IDH2: variants seen among roughly 807,000 people sequenced by gnomAD.
IDH2 encodes the protein isocitrate dehydrogenase (NADP(+)) 2.
A neutral mutation model predicts 50.5 loss-of-function variants in IDH2; 18 were observed. That is an observed-to-expected ratio of 0.36 (90% confidence interval 0.25 to 0.53). IDH2 has a LOEUF of 0.53. Among genes scored for constraint, IDH2 ranks in the 20% least tolerant of loss-of-function variants. The pLI is 0.92. For missense variants in IDH2, 518 were observed against 610.7 expected (o/e 0.85, Z 1.60); for synonymous variants, 280 against 239.8 (o/e 1.17, Z -1.55).
chr15:90,091,459 G>A (rs540557518), intron 2 of IDH2, 94 bp downstream of exon 2: 11 of 913,040 alleles, frequency 1.2e-5, no homozygotes, highest in East Asian at 2.4e-5. Flanking sequence ...CAACGGGGGG[G>A]TCCTAGGGAC....
In IDH2 at chr15:90,085,195, C is replaced by T. The variant is rs1216971077; in HGVS notation, c.1080+80G>A. 34 of 1,529,724 alleles carry T rather than the reference C, an allele frequency of 2.2e-5. No individual in the cohort carries two copies. Among genetic ancestry groups the T allele is most frequent in the Admixed American group, 1.1e-4 (6 of 56,524 alleles). 94.8% of individuals were successfully genotyped at this position (1,529,724 alleles called of 1,614,324 possible). On this transcript the variant is annotated intron_variant, in intron 8 of 10. Transcript: ENST00000330062. The surrounding 1 kb of genome is among the most constrained non-coding windows in gnomAD (Gnocchi z 5.5). ...CGCCCCTGGGCTGGTGGGTCAGGCT[C>T]GTCCTTCCAGCCCTCAGCCCAGTGG...
At chr15:90,089,844 G>A (rs568759958) in intron 3 of IDH2, among the ~76,000 whole-genome samples, 1 of 152,318 alleles carries the variant, frequency 6.6e-6, no homozygotes, top group East Asian at 1.9e-4. Context: ...TAGGCCTGGT[G>A]GGGGCACCTC....
chr15:90,102,467 C>T lies in IDH2; in HGVS notation c.-77G>A, dbSNP rs1596083465. 3.6e-6 allele frequency: 3 copies of T among 827,820 alleles called. No individual in the cohort carries two copies. The highest frequency in any genetic ancestry group is 5.6e-5 in the South Asian group (1 of 17,708). 51.3% of individuals were successfully genotyped at this position (827,820 alleles called of 1,614,324 possible). A position where few individuals can be genotyped will look rare whatever the true frequency, so the allele number is the denominator to read the frequency against. ...CTCCTCCCGGCTGCCTGGCCGCGGGCTAACGCTGGGCCTGGCGGGCGCTGG... is the reference window on the plus strand; with the variant it reads ...CTCCTCCCGGCTGCCTGGCCGCGGGTTAACGCTGGGCCTGGCGGGCGCTGG... On this transcript the variant is annotated 5_prime_UTR_variant, in exon 1 of 11. Transcript: ENST00000330062.
chr15:90,091,568 C>A lies in IDH2; in HGVS notation c.192G>T (p.Gln64His). Residue 64 changes from glutamine (Q) to histidine (H), a missense_variant, in exon 2 of 11, where the codon CAG (glutamine) becomes CAT (histidine). By Grantham distance (24) the Gln-to-His change is conservative. Coordinates refer to ENST00000330062, the MANE Select transcript of IDH2 (RefSeq NM_002168.4). Reference protein sequence around the residue: ...DGDEMTRIIWQFIKEKLILPH... With the variant: ...DGDEMTRIIWHFIKEKLILPH... ...GGGGCACTACCTTCTCCTTGATGAA[C>A]TGCCAGATAATACGGGTCATCTCAT... 6.2e-7 allele frequency: 1 copy of A among 1,613,942 alleles called. No individual in the cohort carries two copies.
intron 1 of IDH2, among the ~76,000 whole-genome samples, chr15:90,093,161 T>C (rs1901088393): frequency 6.6e-6 from 1 of 152,236 alleles, no homozygotes; most frequent in Non-Finnish European, 1.5e-5. Flanking sequence ...ATCCAGTTCC[T>C]AAGGAGGGCC....
chr15:90,085,913 G>C lies in IDH2; in HGVS notation c.968-526C>G, dbSNP rs1201748521. ...TGTCAAGGACTCCAGGGCTTCAAAG[G>C]CACCCCCATGACACCAAAATAAGGA... On this transcript the variant is annotated intron_variant, in intron 7 of 10. Coordinates refer to ENST00000330062, the MANE Select transcript of IDH2 (RefSeq NM_002168.4). This position sits in a 1 kb window ranked among gnomAD's most constrained non-coding sequence, Gnocchi z 5.5. 6.6e-6 allele frequency among the ~76,000 whole-genome samples: 1 copy of C among 152,154 alleles called. No individual in the cohort carries two copies. Among genetic ancestry groups the C allele is most frequent in the Non-Finnish European group, 1.5e-5 (1 of 68,034 alleles).
rs2151558000 is a variant in IDH2 at position 90,102,300 on chromosome 15, A to G, written c.91T>C (p.Ser31Pro). ...WAPAALTAPT[S>P]QEQPRRHYAD... ...CAGTGGCGCCGCGGCTGCTCTTGCG[A>G]GGTGGGGGCTGTCAGGGCCGCCGGC... Residue 31 changes from serine (S) to proline (P), a missense_variant, in exon 1 of 11, where the codon TCG becomes CCG. Transcript: ENST00000330062. 1 of 1,341,060 alleles carries G rather than the reference A, an allele frequency of 7.5e-7. No homozygotes were observed. The highest frequency in any genetic ancestry group is 1.5e-5 in the African/African-American group (1 of 66,172). 83.1% of individuals were successfully genotyped at this position (1,341,060 alleles called of 1,614,324 possible). A position where few individuals can be genotyped will look rare whatever the true frequency, so the allele number is the denominator to read the frequency against.
intron 1 of IDH2, among the ~76,000 whole-genome samples, chr15:90,099,056 C>G (rs1240079126): frequency 1.3e-5 from 2 of 152,156 alleles, no homozygotes; most frequent in African/African-American, 4.8e-5. Context: ...AGAATCCAAC[C>G]ACTTCTTCAC....
intron 1 of IDH2, among the ~76,000 whole-genome samples, chr15:90,095,349 T>C (rs4932279): frequency 0.42 from 64,331 of 152,024 alleles, 15,508 homozygotes; most frequent in Non-Finnish European, 0.56. Flanking sequence ...CTTCACTTTT[T>C]TCTGAAGCTT....
At position 90,085,081 on chromosome 15, in the gene IDH2, G is replaced by A. The variant is rs202014285; in HGVS notation, c.1098C>T (p.Thr366=). ...REHQKGRPTS[T]NPIASIFAWT... ...AGGCAAAGATGCTGGCGATGGGGTT[G>A]GTGCTGGTGGGCCGGCCCTGGGGAC... The change falls in exon 9 of 11, where the codon ACC becomes ACT. Residue 366 remains threonine (T), a synonymous_variant. Coordinates refer to ENST00000330062, the MANE Select transcript of IDH2 (RefSeq NM_002168.4). This position sits in a 1 kb window ranked among gnomAD's most constrained non-coding sequence, Gnocchi z 5.5. The A allele has an allele frequency of 1.2e-5, 20 of 1,613,886 alleles. 1 individual carries two copies. Among genetic ancestry groups the A allele is most frequent in the African/African-American group, 2.7e-5 (2 of 75,028 alleles).
chr15:90,088,871 C>G (rs1210342362), intron 3 of IDH2, 124 bp from the exon 4 acceptor site: 1 of 850,642 alleles, frequency 1.2e-6, no homozygotes, highest in African/African-American at 1.7e-5. Flanking sequence ...GCAGTAGAGT[C>G]TAGAGTGCAA....
intron 5 of IDH2, among the ~76,000 whole-genome samples, chr15:90,088,129 G>A (rs1900920819): frequency 6.6e-6 from 1 of 151,806 alleles, no homozygotes; most frequent in Non-Finnish European, 1.5e-5. Flanking sequence ...AAGAGATGGG[G>A]TCTCACTGTT....
chr15:90,093,142 G>A (rs1046979930), intron 1 of IDH2, among the ~76,000 whole-genome samples: 2 of 152,212 alleles, frequency 1.3e-5, no homozygotes, highest in Admixed American at 6.5e-5. Context: ...TTGTCCAGGG[G>A]CTCCTGCCAT....
In IDH2 at chr15:90,084,734, C is replaced by T; in HGVS notation, c.1271+82G>A. 1 of 1,142,876 alleles carries T rather than the reference C, an allele frequency of 8.7e-7. No individual in the cohort carries two copies. Among genetic ancestry groups the T allele is most frequent in the Admixed American group, 1.7e-5 (1 of 59,420 alleles). The allele number at this position is 1,142,876 out of a possible 1,614,324, so 70.8% of individuals were successfully genotyped here. On this transcript the variant is annotated intron_variant, in intron 10 of 10. Transcript: ENST00000330062. This position sits in a 1 kb window ranked among gnomAD's most constrained non-coding sequence, Gnocchi z 5.0. Reference sequence around the variant, plus strand: ...CCAGGCCCCCTTGCAGCTAAGCTGACTCATGAGGGGGACTTTAGGAGGGGT... The same window carrying T: ...CCAGGCCCCCTTGCAGCTAAGCTGATTCATGAGGGGGACTTTAGGAGGGGT...
In IDH2 at chr15:90,090,630, G is replaced by T; in HGVS notation, c.222C>A (p.His74Gln). Residue 74 changes from histidine (H) to glutamine (Q), a missense_variant, in exon 3 of 11, where the codon CAC (histidine) becomes CAA (glutamine). Coordinates refer to ENST00000330062, the MANE Select transcript of IDH2 (RefSeq NM_002168.4). ...QFIKEKLILP[H>Q]VDIQLKYFDL... ...CAAAATACTTTAGCTGGATGTCCAC[G>T]TGGGGCAGGATGAGCTGGGGACAGA... 6.2e-7 allele frequency: 1 copy of T among 1,614,200 alleles called. No individual in the cohort carries two copies. Among genetic ancestry groups the T allele is most frequent in the South Asian group, 1.1e-5 (1 of 91,084 alleles).
intron 1 of IDH2, among the ~76,000 whole-genome samples, chr15:90,093,093 A>G (rs1901086667): frequency 1.3e-5 from 2 of 152,390 alleles, no homozygotes; most frequent in Admixed American, 6.5e-5. Context: ...AACACTGGCT[A>G]GCTGCGGCTG....
chr15:90,091,707 C>T, intron 1 of IDH2, 63 bp from the exon 2 acceptor site: 2 of 1,345,876 alleles, frequency 1.5e-6, no homozygotes, highest in Non-Finnish European at 1.1e-6. Context: ...CCCTCTCCTC[C>T]CAGCCAGGCC....
intron 3 of IDH2, among the ~76,000 whole-genome samples, chr15:90,089,063 T>C (rs559889749): frequency 6.6e-6 from 1 of 151,972 alleles, no homozygotes; most frequent in South Asian, 2.1e-4. Flanking sequence ...TACAGGCATG[T>C]GACACCACAC....
chr15:90,102,126 G>A (rs1026305433), intron 1 of IDH2, 150 bp downstream of exon 1: 2 of 324,530 alleles, frequency 6.2e-6, no homozygotes, highest in Non-Finnish European at 1.1e-5. Flanking sequence ...GGGGAGCGCG[G>A]AGCGAAGCTG....
Sources: gnomAD v4.1 joint callset for allele counts (sites outside exome capture counted in the v4.1 genomes callset) on GRCh38, gnomAD v4.1.1 for gene constraint, Gnocchi (gnomAD v3.1) non-coding constraint, MANE v1.5 for transcripts, NCBI Gene and HGNC (gene_info 2026-07-23, HGNC 2026-07-21) for gene names.